PIAS4: variants seen among roughly 807,000 people sequenced by gnomAD.
The protein encoded by PIAS4 is E3 SUMO-protein ligase PIAS4.
Under a neutral mutation model 58.0 loss-of-function variants are expected in PIAS4, and 7 were observed. The ratio of observed to expected loss-of-function variants is 0.12; its 90% CI spans 0.07 to 0.23. PIAS4 has a LOEUF of 0.23. Among genes scored for constraint, PIAS4 ranks in the 10% least tolerant of loss-of-function variants. PIAS4 has a pLI of 1.00. For synonymous variants in PIAS4, 364 were observed against 312.4 expected, an observed-to-expected ratio of 1.17 and a Z score of -1.74; for missense variants, 550 against 709.5, an observed-to-expected ratio of 0.78 and a Z score of 2.55.
Position 4,026,367 on chromosome 19 carries a change from G to A in PIAS4, c.540-1779G>A, listed in dbSNP as rs2040164676. Among the ~76,000 whole-genome samples the A allele has an allele frequency of 2.7e-5, 4 of 150,694 alleles. 1 individual carries two copies. The South Asian group carries it at 6.2e-4, about 23-fold the overall frequency. On this transcript the variant is annotated intron_variant, in intron 3 of 10. Coordinates refer to ENST00000262971, the MANE Select transcript of PIAS4 (RefSeq NM_015897.4). ...AAGATGATCTCAATCTCTTGACCTC[G>A]TGATCCACCCCACATCTGCCTCCCA...
chr19:4,008,560 C>G (rs901866532), intron 1 of PIAS4, among the ~76,000 whole-genome samples: 16 of 152,282 alleles, frequency 1.1e-4, no homozygotes, highest in African/African-American at 3.9e-4. Flanking sequence ...GACCACTCTT[C>G]TTGGTCACAG....
At chr19:4,030,512 G>A (rs960640288) in intron 7 of PIAS4, among the ~76,000 whole-genome samples, 1 of 151,892 alleles carries the variant, frequency 6.6e-6, no homozygotes, top group African/African-American at 2.4e-5. Flanking sequence ...CCAGCTACTC[G>A]GGAGGCTGAG....
chr19:4,010,180 G>C (rs1448394150), intron 1 of PIAS4, among the ~76,000 whole-genome samples: 1 of 152,204 alleles, frequency 6.6e-6, no homozygotes, highest in Non-Finnish European at 1.5e-5. Context: ...GCTTCTTCCT[G>C]AATGCTTGTC....
intron 1 of PIAS4, among the ~76,000 whole-genome samples, chr19:4,011,718 GGT>G (rs546929110): frequency 0.11 from 8,030 of 74,628 alleles, 669 homozygotes; most frequent in African/African-American, 0.12. Context: ...GGGGTGTGGA[GGT>G]GTGTGGGGTG....
chr19:4,014,293 G>A (rs1354694143), intron 2 of PIAS4, among the ~76,000 whole-genome samples: 1 of 152,162 alleles, frequency 6.6e-6, no homozygotes, highest in African/African-American at 2.4e-5. Flanking sequence ...ACAGGCCCCT[G>A]GTGCCTCCCC....
At chr19:4,029,440 C>G (rs1426530527) in intron 7 of PIAS4, among the ~76,000 whole-genome samples, 1 of 152,192 alleles carries the variant, frequency 6.6e-6, no homozygotes, top group Non-Finnish European at 1.5e-5. Context: ...GCTGCGGGAC[C>G]TGGCGGGTCA....
intron 9 of PIAS4, among the ~76,000 whole-genome samples, chr19:4,034,988 A>ATT (rs1159045627): frequency 1.3e-4 from 20 of 152,222 alleles, no homozygotes; most frequent in Admixed American, 2.6e-4. Flanking sequence ...GCCAGACATA[A>ATT]ACGTTCCCGT....
intron 7 of PIAS4, among the ~76,000 whole-genome samples, chr19:4,032,072 A>ACC (rs2040227686): frequency 6.6e-6 from 1 of 151,104 alleles, no homozygotes; most frequent in Non-Finnish European, 1.5e-5. Context: ...ACTGCTCCAC[A>ACC]CCCCGGCTGG....
intron 1 of PIAS4, 74 bp from the exon 2 acceptor site, chr19:4,012,849 G>A (rs2040009764): frequency 4.1e-6 from 6 of 1,474,456 alleles, no homozygotes; most frequent in East Asian, 2.3e-5. Context: ...CCCCCACATC[G>A]GGGCCTGGCC....
intron 2 of PIAS4, among the ~76,000 whole-genome samples, chr19:4,014,457 C>T (rs1454000419): frequency 2.0e-5 from 3 of 152,178 alleles, no homozygotes; most frequent in South Asian, 2.1e-4. Context: ...GGGAGCGGAA[C>T]GTCCTGGGCC....
rs750687459 is a variant in PIAS4, at chr19:4,037,200, C to T, written c.1143-174C>T. Among the ~76,000 whole-genome samples the T allele has an allele frequency of 2.0e-5, 3 of 152,062 alleles. No individual in the cohort carries two copies. Among genetic ancestry groups the T allele is most frequent in the Admixed American group, 6.5e-5 (1 of 15,278 alleles). ...CCTGGGGCTCAGCACCTGCAGGGGC[C>T]TGAGGGCGGGGGAGGGAATGCGGGG... On this transcript the variant is annotated intron_variant, in intron 9 of 10. Coordinates refer to ENST00000262971, the MANE Select transcript of PIAS4 (RefSeq NM_015897.4). This position sits in a 1 kb window ranked among gnomAD's most constrained non-coding sequence, Gnocchi z 5.8.
chr19:4,033,522 A>G lies in PIAS4; in HGVS notation c.1084A>G (p.Thr362Ala). 6.2e-7 allele frequency: 1 copy of G among 1,606,600 alleles called. No homozygotes were observed. The highest frequency in any genetic ancestry group is 8.5e-7 in the Non-Finnish European group (1 of 1,177,580). Residue 362 changes from threonine (T) to alanine (A), a missense_variant, in exon 9 of 11, where the codon ACC (threonine) becomes GCC (alanine). Transcript: ENST00000262971. Reference sequence around the variant, plus strand: ...CCTGCAGATGAACGAGAAGAAGCCCACCTGGATGTGCCCCGTGTGCGACAA... The same window carrying G: ...CCTGCAGATGAACGAGAAGAAGCCCGCCTGGATGTGCCCCGTGTGCGACAA... ...FYLQMNEKKP[T>A]WMCPVCDKPA...
intron 9 of PIAS4, among the ~76,000 whole-genome samples, chr19:4,036,636 C>T (rs1225147018): frequency 4.4e-5 from 6 of 137,752 alleles, no homozygotes; most frequent in African/African-American, 1.6e-4. Context: ...CACATCTATA[C>T]AGTCCACACT....
intron 2 of PIAS4, among the ~76,000 whole-genome samples, chr19:4,021,900 C>T (rs930788602): frequency 6.6e-6 from 1 of 151,666 alleles, no homozygotes; most frequent in East Asian, 1.9e-4. Context: ...TGGTGTGCAC[C>T]TCCACACCTG....
intron 3 of PIAS4, among the ~76,000 whole-genome samples, chr19:4,027,717 G>A (rs2040181222): frequency 2.0e-5 from 3 of 151,826 alleles, no homozygotes; most frequent in South Asian, 2.1e-4. Context: ...GCACCACCAC[G>A]CCTGGGTAAT....
At chr19:4,035,925 T>TCAC (rs1568221739) in intron 9 of PIAS4, among the ~76,000 whole-genome samples, 1 of 1,630 alleles carries the variant, frequency 6.1e-4, no homozygotes, top group Non-Finnish European at 4.0e-3. Context: ...CACACACACC[T>TCAC]GCACACATCC....
chr19:4,013,158 C>G lies in PIAS4; in HGVS notation c.263C>G (p.Ser88Cys). Residue 88 changes from serine to cysteine, a missense_variant, in exon 2 of 11, where the codon TCC becomes TGC. Physicochemically the swap from Ser to Cys is moderately radical, Grantham distance 112 (BLOSUM62 -1). Around this residue, in one of 4 missense-constraint regions of PIAS4, gnomAD observed 95 missense variants for 87.5 expected, o/e 1.09. Coordinates refer to ENST00000262971, the MANE Select transcript of PIAS4 (RefSeq NM_015897.4). This position sits in a 1 kb window ranked among gnomAD's most constrained non-coding sequence, Gnocchi z 5.1. Reference sequence around the variant, plus strand: ...CCCCTGGACCCCCTGACCATGCACTCCACCTACGACCGGGCCGGCGCTGTG... The same window carrying G: ...CCCCTGGACCCCCTGACCATGCACTGCACCTACGACCGGGCCGGCGCTGTG... ...HRPLDPLTMH[S>C]TYDRAGAVPR... 3.7e-6 allele frequency: 6 copies of G among 1,613,450 alleles called. No homozygotes were observed. The highest frequency in any genetic ancestry group is 5.1e-6 in the Non-Finnish European group (6 of 1,180,018).
rs2040315430 is a variant in PIAS4 at position 4,037,708 on chromosome 19, A to G, written c.1366A>G (p.Met456Val). 1.9e-6 allele frequency: 3 copies of G among 1,611,888 alleles called. No homozygotes were observed. The highest frequency in any genetic ancestry group is 2.5e-6 in the Non-Finnish European group (3 of 1,179,574). Residue 456 changes from methionine to valine, a missense_variant, in exon 11 of 11, where the codon ATG becomes GTG. Physicochemically the swap from Met to Val is conservative, Grantham distance 21 (BLOSUM62 1). Coordinates refer to ENST00000262971, the MANE Select transcript of PIAS4 (RefSeq NM_015897.4). The surrounding 1 kb of genome is among the most constrained non-coding windows in gnomAD (Gnocchi z 5.8). ...STGGGGPVGS[M>V]ENGKPGADVV... is the part of the protein sequence containing the mutation. ...GGGTGGCGGCGGCCCGGTGGGCAGC[A>G]TGGAGAATGGGAAGCCGGGCGCCGA...
chr19:4,012,222 A>T (rs2040002998), intron 1 of PIAS4, among the ~76,000 whole-genome samples: 1 of 151,996 alleles, frequency 6.6e-6, no homozygotes, highest in Admixed American at 6.6e-5. Flanking sequence ...CTGTGTTGAC[A>T]TCCAGAGGGT....
Sources: allele counts gnomAD v4.1 joint callset (sites outside exome capture counted in the v4.1 genomes callset), GRCh38; gene constraint gnomAD v4.1.1; regional missense constraint gnomAD v4.1.1; non-coding constraint Gnocchi (gnomAD v3.1); transcripts MANE v1.5; gene names NCBI Gene and HGNC (gene_info 2026-07-23, HGNC 2026-07-21).